Variants in UBN2 observed in about 807,000 individuals in gnomAD.
UBN2 encodes ubinuclein 2.
In UBN2, 35 loss-of-function variants were observed where a neutral mutation model predicts 120.2. The observed-to-expected ratio is 0.29, with a 90% confidence interval of 0.22 to 0.39. The LOEUF (loss-of-function observed/expected upper bound fraction) is 0.39, where lower values mean the gene tolerates loss of function less well. Ranked by LOEUF, UBN2 falls within the 10% of genes least tolerant of loss-of-function variation. The pLI is 1.00. For missense variants in UBN2, 1,693 were observed against 1,663.2 expected, an observed-to-expected ratio of 1.02 and a Z score of -0.31; for synonymous variants, 661 against 648.7, an observed-to-expected ratio of 1.02 and a Z score of -0.29.
At chr7:139,254,170 G>A (rs146384572) in intron 3 of UBN2, among the ~76,000 whole-genome samples, 10,054 of 152,146 alleles carry the variant, frequency 0.066, 621 homozygotes, top group Admixed American at 0.19. Context: ...GCGGGCGCCT[G>A]TAGTCCCAGC....
At position 139,258,603 on chromosome 7, in the gene UBN2, A is replaced by G. The variant is rs1470316521; in HGVS notation, c.779A>G (p.Asn260Ser). The G allele has an allele frequency of 6.2e-7, 1 of 1,602,196 alleles. No individual in the cohort carries two copies. Residue 260 changes from asparagine to serine, a missense_variant, in exon 4 of 18, where the codon AAC becomes AGC. By Grantham distance (46) the Asn-to-Ser change is conservative. This residue lies in a region of UBN2 where 663 missense variants were observed against 591.2 expected (regional missense o/e 1.12). Coordinates refer to ENST00000473989, the MANE Select transcript of UBN2 (RefSeq NM_173569.4). ...SDTEEDDITD[N>S]QKHKPPKVPK... Reference sequence around the variant, plus strand: ...ACTGAAGAAGATGATATTACAGACAACCAAAAGCACAAGCCACCCAAGGTG... The same window carrying G: ...ACTGAAGAAGATGATATTACAGACAGCCAAAAGCACAAGCCACCCAAGGTG...
intron 17 of UBN2, among the ~76,000 whole-genome samples, chr7:139,294,355 C>G (rs1461027386): frequency 1.3e-5 from 2 of 152,112 alleles, no homozygotes; most frequent in African/African-American, 4.8e-5. Context: ...TACAGCAAGC[C>G]CCTGAATGAT....
chr7:139,310,037 T>C (rs1230783839), downstream of UBN2, among the ~76,000 whole-genome samples: 1 of 152,118 alleles, frequency 6.6e-6, no homozygotes, highest in East Asian at 1.9e-4. Context: ...ATAGGTGACT[T>C]TTTGGTTGAA....
At position 139,283,407 on chromosome 7, in the gene UBN2, T is replaced by C. The variant is rs753848767; in HGVS notation, c.2502T>C (p.Ala834=). The change falls in exon 15 of 18, where the codon GCT becomes GCC. Residue 834 remains alanine (A), a synonymous_variant. Coordinates refer to ENST00000473989, the MANE Select transcript of UBN2 (RefSeq NM_173569.4). ...TQTTHSSSLI[A]GHTGPVPKKP... ...CTACACATTCTTCAAGTCTTATTGC[T>C]GGTCACACAGGGCCAGTACCAAAGA... 25 of 1,614,002 alleles carry C rather than the reference T, an allele frequency of 1.5e-5. No individual in the cohort carries two copies. Among genetic ancestry groups the C allele is most frequent in the Non-Finnish European group, 1.9e-5 (23 of 1,180,032 alleles).
Position 139,231,810 on chromosome 7 carries a change from C to G in UBN2, c.326C>G (p.Pro109Arg). ...FPPLPLQPPP[P>R]RESASRAEQP... ...CCGCTGCCCTTGCAGCCGCCCCCGC[C>G]GCGGGAGTCGGCTTCCCGGGCTGAG... Residue 109 changes from proline (P) to arginine (R), a missense_variant, in exon 1 of 18, where the codon CCG becomes CGG. By Grantham distance (103) the Pro-to-Arg change is moderately radical (BLOSUM62 -2). Around this residue, in one of 5 missense-constraint regions of UBN2, gnomAD observed 663 missense variants for 591.2 expected, o/e 1.12. Transcript: ENST00000473989. The G allele has an allele frequency of 6.9e-7, 1 of 1,445,224 alleles. No individual in the cohort carries two copies. The highest frequency in any genetic ancestry group is 9.1e-7 in the Non-Finnish European group (1 of 1,099,492). 89.5% of individuals were successfully genotyped at this position (1,445,224 alleles called of 1,614,324 possible).
intron 7 of UBN2, among the ~76,000 whole-genome samples, chr7:139,267,193 A>G (rs1489562577): frequency 6.6e-6 from 1 of 152,202 alleles, no homozygotes; most frequent in African/African-American, 2.4e-5. Context: ...TGGTGAAAAT[A>G]ATGTTTGCTT....
chr7:139,314,166 T>C, the UBN2 span, among the ~76,000 whole-genome samples: 1 of 148,456 alleles, frequency 6.7e-6, no homozygotes, highest in African/African-American at 2.5e-5. Flanking sequence ...CTTTTAGAAG[T>C]TTATTTGTGG....
intron 8 of UBN2, among the ~76,000 whole-genome samples, chr7:139,269,979 T>A (rs1031276995): frequency 2.6e-5 from 4 of 152,108 alleles, no homozygotes; most frequent in African/African-American, 7.2e-5. Context: ...GGCCATTTTT[T>A]AATTTTTTTC....
chr7:139,278,890 C>G (rs966347656), intron 12 of UBN2, among the ~76,000 whole-genome samples: 4 of 151,898 alleles, frequency 2.6e-5, no homozygotes, highest in African/African-American at 7.3e-5. Flanking sequence ...CTTTTTCTCC[C>G]TGTCATTTTG....
chr7:139,316,110 G>GTA, the UBN2 span, among the ~76,000 whole-genome samples: 4 of 113,328 alleles, frequency 3.5e-5, 2 homozygotes, highest in African/African-American at 6.4e-5. Flanking sequence ...AAAAAAAAGG[G>GTA]GTTCCAGTTC....
chr7:139,311,408 G>T (rs1359060594), downstream of UBN2, among the ~76,000 whole-genome samples: 1 of 152,152 alleles, frequency 6.6e-6, no homozygotes, highest in Non-Finnish European at 1.5e-5. Context: ...TAGTAGGGTG[G>T]CGTGGTGTGA....
chr7:139,257,916 G>A (rs1392328371), intron 3 of UBN2, among the ~76,000 whole-genome samples: 2 of 152,048 alleles, frequency 1.3e-5, no homozygotes, highest in Non-Finnish European at 2.9e-5. Context: ...CTCCTGAGTC[G>A]CTGGGCTTAC....
intron 2 of UBN2, among the ~76,000 whole-genome samples, chr7:139,240,716 C>T (rs1459605852): frequency 6.6e-6 from 1 of 152,064 alleles, no homozygotes; most frequent in African/African-American, 2.4e-5. Context: ...GTTCCCCCCT[C>T]CATTGTGTCC....
chr7:139,246,953 C>T (rs564381624), intron 2 of UBN2, among the ~76,000 whole-genome samples: 3 of 152,156 alleles, frequency 2.0e-5, no homozygotes, highest in South Asian at 2.1e-4. Context: ...GTTGTTTATC[C>T]GTCCACCAGA....
At chr7:139,311,765 T>C (rs996901359), downstream of UBN2, among the ~76,000 whole-genome samples, 1 of 152,218 alleles carries the variant, frequency 6.6e-6, no homozygotes, top group Non-Finnish European at 1.5e-5. Flanking sequence ...AGTACAGGCA[T>C]AGATAGATAG....
chr7:139,323,296 A>G, the UBN2 span, among the ~76,000 whole-genome samples: 1 of 152,120 alleles, frequency 6.6e-6, no homozygotes, highest in Non-Finnish European at 1.5e-5. Flanking sequence ...TCTACCAAAA[A>G]ATACAAAAAT....
At chr7:139,319,724 T>C in the UBN2 span, among the ~76,000 whole-genome samples, 1 of 152,212 alleles carries the variant, frequency 6.6e-6, no homozygotes, top group African/African-American at 2.4e-5. Context: ...CTGGTCTCCT[T>C]TACTTCCCTG....
At chr7:139,234,152 C>T (rs1796103024) in intron 1 of UBN2, among the ~76,000 whole-genome samples, 1 of 151,916 alleles carries the variant, frequency 6.6e-6, no homozygotes. Context: ...AAAATGCGAA[C>T]ATTAGAATTG....
At chr7:139,271,751 CT>C (rs1234020171) in intron 8 of UBN2, among the ~76,000 whole-genome samples, 1 of 152,124 alleles carries the variant, frequency 6.6e-6, no homozygotes, top group Non-Finnish European at 1.5e-5. Flanking sequence ...AACCTACTTT[CT>C]TTTTTGCCCT....
Sources: allele counts gnomAD v4.1 joint callset (sites outside exome capture counted in the v4.1 genomes callset), GRCh38; gene constraint gnomAD v4.1.1; regional missense constraint gnomAD v4.1.1; transcripts MANE v1.5; gene names NCBI Gene and HGNC (gene_info 2026-07-23, HGNC 2026-07-21).